BRIP1: variants seen among roughly 807,000 people sequenced by gnomAD.
BRIP1 encodes Fanconi anemia group J protein.
In BRIP1, 88 loss-of-function variants were observed where a neutral mutation model predicts 119.7. That is an observed-to-expected ratio of 0.74 (90% CI 0.62 to 0.88). BRIP1 has a LOEUF of 0.88. Among genes scored for constraint, BRIP1 ranks in the 40% least tolerant of loss-of-function variants. The pLI is 0.00. For synonymous variants in BRIP1, 443 were observed against 496.5 expected, an observed-to-expected ratio of 0.89 and a Z score of 1.43; for missense variants, 1,259 against 1,455.4, an observed-to-expected ratio of 0.87 and a Z score of 2.20.
rs2076764578 is a variant in BRIP1 at position 61,726,215 on chromosome 17, G to T, written c.2380-10152C>A. Among the ~76,000 whole-genome samples the T allele has an allele frequency of 6.6e-6, 1 of 152,152 alleles. No individual in the cohort carries two copies. The highest frequency in any genetic ancestry group is 2.4e-5 in the African/African-American group (1 of 41,426). ...GTCTGTAAGAAGGGGCTTAGAATTA[G>T]AAGTCTCTTAGCTTTATTGAAGTTG... On this transcript the variant is annotated intron_variant, in intron 16 of 19. Coordinates refer to ENST00000259008, the MANE Select transcript of BRIP1 (RefSeq NM_032043.3). The surrounding 1 kb of genome is among the most constrained non-coding windows in gnomAD (Gnocchi z 6.2).
rs2076834830 is a variant in BRIP1 at position 61,730,825 on chromosome 17, A to T, written c.2379+12188T>A. Among the ~76,000 whole-genome samples the T allele has an allele frequency of 6.6e-6, 1 of 152,146 alleles. No homozygotes were observed. The highest frequency in any genetic ancestry group is 6.5e-5 in the Admixed American group (1 of 15,272). ...ATATTTCCATCCTTGATCCCAAAATATCTTTTAAAAATATGGAGAATTTAA... is the reference window on the plus strand; with the variant it reads ...ATATTTCCATCCTTGATCCCAAAATTTCTTTTAAAAATATGGAGAATTTAA... On this transcript the variant is annotated intron_variant, in intron 16 of 19. Transcript: ENST00000259008. This position sits in a 1 kb window ranked among gnomAD's most constrained non-coding sequence, Gnocchi z 4.3.
rs1024694826 is a variant in BRIP1 at position 61,776,609 on chromosome 17, T to C, written c.1936-47A>G. 1 of 1,566,270 alleles carries C rather than the reference T, an allele frequency of 6.4e-7. No homozygotes were observed. The highest frequency in any genetic ancestry group is 8.8e-7 in the Non-Finnish European group (1 of 1,136,622). ...ATTAGAGTTATGCCTGAAAAAGGCA[T>C]GGAAATTAGTATTTATTTGGAAGTA... On this transcript the variant is annotated intron_variant, in intron 13 of 19. Coordinates refer to ENST00000259008, the MANE Select transcript of BRIP1 (RefSeq NM_032043.3). The surrounding 1 kb of genome is among the most constrained non-coding windows in gnomAD (Gnocchi z 5.0).
chr17:61,793,263 G>A lies in BRIP1; in HGVS notation c.1473+334C>T, dbSNP rs1478610206. On this transcript the variant is annotated intron_variant, in intron 10 of 19. Coordinates refer to ENST00000259008, the MANE Select transcript of BRIP1 (RefSeq NM_032043.3). The surrounding 1 kb of genome is among the most constrained non-coding windows in gnomAD (Gnocchi z 5.2). The stretch of plus-strand genomic sequence containing the variant: ...TTCTAAATTAAGATGAACAAAATAG[G>A]AATTTCTCCTCTTTTTATTTTCTAA... 1.3e-5 allele frequency among the ~76,000 whole-genome samples: 2 copies of A among 151,844 alleles called. No individual in the cohort carries two copies. Among genetic ancestry groups the A allele is most frequent in the Non-Finnish European group, 2.9e-5 (2 of 67,930 alleles).
rs1266823797 is a variant in BRIP1 at position 61,724,372 on chromosome 17, T to C, written c.2380-8309A>G. Among the ~76,000 whole-genome samples, 2 of 152,148 alleles carry C rather than the reference T, an allele frequency of 1.3e-5. No individual in the cohort carries two copies. Among genetic ancestry groups the C allele is most frequent in the African/African-American group, 4.8e-5 (2 of 41,446 alleles). ...GAAACAGTATAAGTAGCAGAGCACTTATAGCAGCAATAGACAATATGAAAT... is the reference window on the plus strand; with the variant it reads ...GAAACAGTATAAGTAGCAGAGCACTCATAGCAGCAATAGACAATATGAAAT... On this transcript the variant is annotated intron_variant, in intron 16 of 19. Transcript: ENST00000259008. This position sits in a 1 kb window ranked among gnomAD's most constrained non-coding sequence, Gnocchi z 5.1.
At chr17:61,781,795 C>T (rs1354038581) in intron 11 of BRIP1, among the ~76,000 whole-genome samples, 1 of 151,714 alleles carries the variant, frequency 6.6e-6, no homozygotes, top group Non-Finnish European at 1.5e-5. Context: ...GTGGCAGTCG[C>T]CTGTAACCCC....
At position 61,768,366 on chromosome 17, in the gene BRIP1, A is replaced by T. The variant is rs1044503861; in HGVS notation, c.2097+8035T>A. Reference sequence around the variant, plus strand: ...AAAATAAGTATTAGTATATGGAATTAGGCTGTATTGCTCTACGGGAAATCA... The same window carrying T: ...AAAATAAGTATTAGTATATGGAATTTGGCTGTATTGCTCTACGGGAAATCA... On this transcript the variant is annotated intron_variant, in intron 14 of 19. Coordinates refer to ENST00000259008, the MANE Select transcript of BRIP1 (RefSeq NM_032043.3). The surrounding 1 kb of genome is among the most constrained non-coding windows in gnomAD (Gnocchi z 5.0). Among the ~76,000 whole-genome samples the T allele has an allele frequency of 1.3e-5, 2 of 152,220 alleles. No homozygotes were observed. The highest frequency in any genetic ancestry group is 2.9e-5 in the Non-Finnish European group (2 of 68,032).
At chr17:61,694,972 T>C (rs1412870298) in intron 17 of BRIP1, among the ~76,000 whole-genome samples, 1 of 151,712 alleles carries the variant, frequency 6.6e-6, no homozygotes, top group African/African-American at 2.4e-5. Context: ...ATGTGAGTTG[T>C]CTTTTCCATT....
Position 61,724,561 on chromosome 17 carries a change from C to T in BRIP1, c.2380-8498G>A, listed in dbSNP as rs953264480. On this transcript the variant is annotated intron_variant, in intron 16 of 19. Coordinates refer to ENST00000259008, the MANE Select transcript of BRIP1 (RefSeq NM_032043.3). This position sits in a 1 kb window ranked among gnomAD's most constrained non-coding sequence, Gnocchi z 5.1. ...ATGGTGTGATAAATATGAGCTAGAA[C>T]TATAAATGCATCTCTTCATTTTACT... Among the ~76,000 whole-genome samples the T allele has an allele frequency of 1.3e-5, 2 of 152,112 alleles. No homozygotes were observed. Among genetic ancestry groups the T allele is most frequent in the Non-Finnish European group, 2.9e-5 (2 of 68,004 alleles).
In BRIP1 at chr17:61,683,120, G is replaced by T; in HGVS notation, c.*176C>A. 1.4e-6 allele frequency: 1 copy of T among 723,270 alleles called. No homozygotes were observed. The highest frequency in any genetic ancestry group is 2.2e-6 in the Non-Finnish European group (1 of 462,870). 44.8% of individuals were successfully genotyped at this position (723,270 alleles called of 1,614,324 possible). On this transcript the variant is annotated 3_prime_UTR_variant, in exon 20 of 20. Coordinates refer to ENST00000259008, the MANE Select transcript of BRIP1 (RefSeq NM_032043.3). The surrounding 1 kb of genome is among the most constrained non-coding windows in gnomAD (Gnocchi z 4.7). ...CATTCCAGCCTGGGCAACAGACCAAGACTCTGTCTCAAAAAAAAAAACCCA... is the reference window on the plus strand; with the variant it reads ...CATTCCAGCCTGGGCAACAGACCAATACTCTGTCTCAAAAAAAAAAACCCA...
chr17:61,729,400 T>G lies in BRIP1; in HGVS notation c.2380-13337A>C, dbSNP rs1192703645. Among the ~76,000 whole-genome samples, 2 of 151,856 alleles carry G rather than the reference T, an allele frequency of 1.3e-5. No homozygotes were observed. Among genetic ancestry groups the G allele is most frequent in the East Asian group, 3.9e-4 (2 of 5,170 alleles). ...AATAACTATAGATTTAATTAAAAAT[T>G]GTAATGTAACTATCTTGGGAGGCTA... On this transcript the variant is annotated intron_variant, in intron 16 of 19. Transcript: ENST00000259008. This position sits in a 1 kb window ranked among gnomAD's most constrained non-coding sequence, Gnocchi z 5.6.
At chr17:61,728,548 A>G (rs1224726556) in intron 16 of BRIP1, among the ~76,000 whole-genome samples, 3 of 152,216 alleles carry the variant, frequency 2.0e-5, no homozygotes. Flanking sequence ...CTGCTGGGAC[A>G]TAAGCCAGTT....
rs550985330 is a variant in BRIP1 at position 61,844,916 on chromosome 17, A to C, written c.627+2185T>G. 6.6e-6 allele frequency among the ~76,000 whole-genome samples: 1 copy of C among 152,216 alleles called. No individual in the cohort carries two copies. Among genetic ancestry groups the C allele is most frequent in the Non-Finnish European group, 1.5e-5 (1 of 68,038 alleles). ...ATACCAATATACCTGCTTCATAATC[A>C]TTGTAAGAACTCAGTAACATTCAAC... On this transcript the variant is annotated intron_variant, in intron 6 of 19. Transcript: ENST00000259008. The surrounding 1 kb of genome is among the most constrained non-coding windows in gnomAD (Gnocchi z 4.7).
rs2078961268 is a variant in BRIP1, at chr17:61,860,626, C to T, written c.94-719G>A. Among the ~76,000 whole-genome samples the T allele has an allele frequency of 6.6e-6, 1 of 152,178 alleles. No individual in the cohort carries two copies. Among genetic ancestry groups the T allele is most frequent in the South Asian group, 2.1e-4 (1 of 4,822 alleles). On this transcript the variant is annotated intron_variant, in intron 2 of 19. Transcript: ENST00000259008. The surrounding 1 kb of genome is among the most constrained non-coding windows in gnomAD (Gnocchi z 4.1). ...AGTGAGCCAAGATCGCGCCACTGCA[C>T]TCCAATCTGGGCGACAGAGTGAGAC...
chr17:61,811,673 C>T (rs943118693), intron 6 of BRIP1, among the ~76,000 whole-genome samples: 7 of 151,544 alleles, frequency 4.6e-5, no homozygotes, highest in Admixed American at 2.0e-4. Flanking sequence ...CGGTACAGGC[C>T]GGGCATGGTG....
In BRIP1 at chr17:61,730,160, G is replaced by C. The variant is rs778596659; in HGVS notation, c.2379+12853C>G. 6.6e-6 allele frequency among the ~76,000 whole-genome samples: 1 copy of C among 152,112 alleles called. No individual in the cohort carries two copies. The highest frequency in any genetic ancestry group is 2.4e-5 in the African/African-American group (1 of 41,410). Reference sequence around the variant, plus strand: ...ACTGAACTCATTCCCAAGCTTTCAAGCCTTTAATCCTAGGGAAAAACAGGA... The same window carrying C: ...ACTGAACTCATTCCCAAGCTTTCAACCCTTTAATCCTAGGGAAAAACAGGA... On this transcript the variant is annotated intron_variant, in intron 16 of 19. Transcript: ENST00000259008. This position sits in a 1 kb window ranked among gnomAD's most constrained non-coding sequence, Gnocchi z 4.3.
chr17:61,718,616 C>A (rs1264819350), intron 16 of BRIP1, among the ~76,000 whole-genome samples: 2 of 152,172 alleles, frequency 1.3e-5, no homozygotes, highest in Non-Finnish European at 1.5e-5. Flanking sequence ...TTCTAGCTGC[C>A]ACGGACTTTC....
rs1016421824 is a variant in BRIP1, at chr17:61,706,389, AT to A, written c.2492+9561del. On this transcript the variant is annotated intron_variant, in intron 17 of 19. Transcript: ENST00000259008. The surrounding 1 kb of genome is among the most constrained non-coding windows in gnomAD (Gnocchi z 5.7). ...TTTCTAGGACTGAAACGCCCAAACTATTTTTTAAAGTTAATTTTAGCTTTGT... is the reference window on the plus strand; with the variant it reads ...TTTCTAGGACTGAAACGCCCAAACTATTTTTAAAGTTAATTTTAGCTTTGT... 6.6e-6 allele frequency among the ~76,000 whole-genome samples: 1 copy of A among 152,146 alleles called. No individual in the cohort carries two copies. The highest frequency in any genetic ancestry group is 2.4e-5 in the African/African-American group (1 of 41,446).
At chr17:61,694,877 T>C (rs2144200345) in intron 17 of BRIP1, among the ~76,000 whole-genome samples, 1 of 151,424 alleles carries the variant, frequency 6.6e-6, no homozygotes, top group Middle Eastern at 3.4e-3. Context: ...GCCCATTTTG[T>C]CTTTTTATTA....
Position 61,859,901 on chromosome 17 carries a change from T to C in BRIP1, c.100A>G (p.Arg34Gly), listed in dbSNP as rs2145852980. 6.3e-7 allele frequency: 1 copy of C among 1,597,532 alleles called. No homozygotes were observed. The highest frequency in any genetic ancestry group is 8.6e-7 in the Non-Finnish European group (1 of 1,164,924). The change falls in exon 3 of 20, where the codon AGA becomes GGA. Residue 34 changes from arginine (R) to glycine (G), a missense_variant. Arg to Gly is a moderately radical substitution (Grantham distance 125). Coordinates refer to ENST00000259008, the MANE Select transcript of BRIP1 (RefSeq NM_032043.3). Reference sequence around the variant, plus strand: ...CAATGTTGCTTGCTGTTTAATCCTCTGAGAATCTATGAACACAGAAACCAA... The same window carrying C: ...CAATGTTGCTTGCTGTTTAATCCTCCGAGAATCTATGAACACAGAAACCAA... ...SQLAMMNSILRGLNSKQHCLL... is the reference protein window; with the variant it reads ...SQLAMMNSILGGLNSKQHCLL...
Sources: allele counts gnomAD v4.1 joint callset (sites outside exome capture counted in the v4.1 genomes callset), GRCh38; gene constraint gnomAD v4.1.1; non-coding constraint Gnocchi (gnomAD v3.1); transcripts MANE v1.5; gene names NCBI Gene and HGNC (gene_info 2026-07-23, HGNC 2026-07-21).